Variants in CUL7 observed in about 807,000 individuals in gnomAD.
CUL7 encodes the protein cullin 7, also known as cullin-7.
Under a neutral mutation model 177.7 loss-of-function variants are expected in CUL7, and 96 were observed. The observed-to-expected ratio is 0.54, with a 90% CI of 0.46 to 0.64. The LOEUF (loss-of-function observed/expected upper bound fraction) is 0.64, where lower values mean the gene tolerates loss of function less well. Among genes scored for constraint, CUL7 ranks in the 30% least tolerant of loss-of-function variants. The pLI is 0.00. For missense variants in CUL7, 1,893 were observed against 2,187.9 expected (o/e 0.87, Z 2.69); for synonymous variants, 824 against 890.2 (o/e 0.93, Z 1.32).
Position 43,040,533 on chromosome 6 carries a change from T to C in CUL7, c.4020A>G (p.Ile1340Met), listed in dbSNP as rs768016103. The C allele has an allele frequency of 1.2e-6, 2 of 1,614,108 alleles. No homozygotes were observed. Among genetic ancestry groups the C allele is most frequent in the South Asian group, 2.2e-5 (2 of 91,086 alleles). The part of the protein sequence containing the change: ...LLKLEDTEKK[I>M]QVGLGASGKE... ...TTATCCCTTCCAAGGCACTCACCTG[T>C]ATTTTCTTCTCTGTATCCTCCAGCT... Residue 1340 changes from isoleucine (I) to methionine (M), a missense_variant, in exon 21 of 26, where the codon ATA (isoleucine) becomes ATG (methionine). Transcript: ENST00000265348. This position sits in a 1 kb window ranked among gnomAD's most constrained non-coding sequence, Gnocchi z 4.2.
Position 43,048,211 on chromosome 6 carries a change from G to A in CUL7, c.2106C>T (p.Leu702=), listed in dbSNP as rs1375747150. 1.9e-6 allele frequency: 3 copies of A among 1,614,126 alleles called. No individual in the cohort carries two copies. The highest frequency in any genetic ancestry group is 2.2e-5 in the East Asian group (1 of 44,880). Residue 702 remains leucine, a synonymous_variant, in exon 9 of 26, where the codon CTC becomes CTT. Transcript: ENST00000265348. ...AGGCATCCACGGCCTCGTGCCAGGGGAGCAGCAGTGCCTCGGGGAAGTCCA... is the reference window on the plus strand; with the variant it reads ...AGGCATCCACGGCCTCGTGCCAGGGAAGCAGCAGTGCCTCGGGGAAGTCCA... ...QLVDFPEALL[L]PWHEAVDACM...
In CUL7 at chr6:43,039,352, G is replaced by A. The variant is rs190700793; in HGVS notation, c.4295-365C>T. ...AACAATGTCTCCCCTATTAGGAGGCGCCCTGACCACAGGTCTGAGCCTCTT... is the reference window on the plus strand; with the variant it reads ...AACAATGTCTCCCCTATTAGGAGGCACCCTGACCACAGGTCTGAGCCTCTT... On this transcript the variant is annotated intron_variant, in intron 22 of 25. Transcript: ENST00000265348. Among the ~76,000 whole-genome samples, 159 of 152,252 alleles carry A rather than the reference G, an allele frequency of 1.0e-3. 2 individuals carry two copies. The highest frequency in any genetic ancestry group is 3.4e-3 in the Admixed American group (52 of 15,290).
rs570349308 is a variant in CUL7 at position 43,045,046 on chromosome 6, C to T, written c.3039-161G>A. 6.6e-6 allele frequency among the ~76,000 whole-genome samples: 1 copy of T among 152,154 alleles called. No homozygotes were observed. The highest frequency in any genetic ancestry group is 2.4e-5 in the African/African-American group (1 of 41,422). On this transcript the variant is annotated intron_variant, in intron 15 of 25. Coordinates refer to ENST00000265348, the MANE Select transcript of CUL7 (RefSeq NM_014780.5). The surrounding 1 kb of genome is among the most constrained non-coding windows in gnomAD (Gnocchi z 4.8). Reference sequence around the variant, plus strand: ...CTAACTGGTATATCCCATTCCCAGCCCACTGGAGAAATCTTTTCTCTTTAT... The same window carrying T: ...CTAACTGGTATATCCCATTCCCAGCTCACTGGAGAAATCTTTTCTCTTTAT...
At chr6:43,038,512 C>T (rs373250849) in intron 24 of CUL7, 40 bp from the exon 25 acceptor site, 53 of 1,613,694 alleles carry the variant, frequency 3.3e-5, no homozygotes, top group Middle Eastern at 1.6e-4. Flanking sequence ...GGAGAGCCCA[C>T]GAGGAGCCTG....
chr6:43,044,287 A>G (rs982477986), intron 16 of CUL7, among the ~76,000 whole-genome samples: 1 of 152,080 alleles, frequency 6.6e-6, no homozygotes, highest in African/African-American at 2.4e-5. Flanking sequence ...GCGCCATTGC[A>G]CTCCAGTCTA....
At position 43,043,636 on chromosome 6, in the gene CUL7, G is replaced by A; in HGVS notation, c.3173-6C>T. 1 of 1,590,554 alleles carries A rather than the reference G, an allele frequency of 6.3e-7. No homozygotes were observed. Among genetic ancestry groups the A allele is most frequent in the Non-Finnish European group, 8.6e-7 (1 of 1,165,904 alleles). On this transcript the variant is annotated splice_polypyrimidine_tract_variant and splice_region_variant and intron_variant, in intron 16 of 25. Transcript: ENST00000265348. This position sits in a 1 kb window ranked among gnomAD's most constrained non-coding sequence, Gnocchi z 4.2. ...GGGGCTAATGCCATCCTCATCTAGA[G>A]GGTGAGATAAACAAACCAAGGCACA...
intron 22 of CUL7, among the ~76,000 whole-genome samples, 157 bp from the exon 23 acceptor site, chr6:43,039,144 C>T (rs965956457): frequency 6.6e-6 from 1 of 152,222 alleles, no homozygotes; most frequent in Non-Finnish European, 1.5e-5. Flanking sequence ...TTCCAGATCT[C>T]AGCCTTCTCT....
rs769343287 is a variant in CUL7 at position 43,046,026 on chromosome 6, C to T, written c.2726G>A (p.Gly909Glu). 2.5e-6 allele frequency: 4 copies of T among 1,614,020 alleles called. No individual in the cohort carries two copies. The highest frequency in any genetic ancestry group is 3.4e-6 in the Non-Finnish European group (4 of 1,180,020). ...GTGAAGAGAGCTAGTGCTATCACCC[C>T]CGCACACCACCACTCGGGCCGGCAT... is the stretch of plus-strand genomic sequence containing the variant. ...SYMPARVVVCGGDSTSSLHTE... is the reference protein window; with the variant it reads ...SYMPARVVVCEGDSTSSLHTE... The change falls in exon 13 of 26, where the codon GGG becomes GAG. Residue 909 changes from glycine to glutamate, a missense_variant. Physicochemically the swap from Gly to Glu is moderately conservative, Grantham distance 98. Coordinates refer to ENST00000265348, the MANE Select transcript of CUL7 (RefSeq NM_014780.5).
Position 43,046,007 on chromosome 6 carries a change from A to G in CUL7, c.2745T>C (p.Ser915=), listed in dbSNP as rs751169358. ...VVVCGGDSTS[S]LHTELNSVNV... ...CTACCGAGTTGAGTTCCGTGTGAAG[A>G]GAGCTAGTGCTATCACCCCCGCACA... Residue 915 remains serine (S), a synonymous_variant, in exon 13 of 26, where the codon TCT becomes TCC. Transcript: ENST00000265348. The G allele has an allele frequency of 2.5e-6, 4 of 1,614,010 alleles. No homozygotes were observed. Among genetic ancestry groups the G allele is most frequent in the Admixed American group, 1.7e-5 (1 of 60,026 alleles).
In CUL7 at chr6:43,050,988, T is replaced by C; in HGVS notation, c.1213A>G (p.Asn405Asp). 1 of 1,614,092 alleles carries C rather than the reference T, an allele frequency of 6.2e-7. No homozygotes were observed. The highest frequency in any genetic ancestry group is 8.5e-7 in the Non-Finnish European group (1 of 1,180,010). The part of the protein sequence containing the change: ...GDEGEFRQSN[N>D]GVPPVQVFWE... ...CTCACCTGCACAGGAGGCACACCGT[T>C]GTTGCTCTGCCGAAACTCGCCCTCA... Residue 405 changes from asparagine to aspartate, a missense_variant, in exon 4 of 26, where the codon AAC (asparagine) becomes GAC (aspartate). Around this residue, in one of 5 missense-constraint regions of CUL7, gnomAD observed 653 missense variants for 725.2 expected, o/e 0.90. Coordinates refer to ENST00000265348, the MANE Select transcript of CUL7 (RefSeq NM_014780.5). This position sits in a 1 kb window ranked among gnomAD's most constrained non-coding sequence, Gnocchi z 4.1.
intron 10 of CUL7, 79 bp from the exon 11 acceptor site, chr6:43,046,680 G>C (rs903048896): frequency 8.8e-6 from 14 of 1,587,720 alleles, no homozygotes; most frequent in Non-Finnish European, 9.5e-6. Flanking sequence ...GGATGAAGGA[G>C]AGACCATGCA....
chr6:43,038,687 G>T lies in CUL7; in HGVS notation c.4446C>A (p.Val1482=), dbSNP rs1272815273. 2 of 1,613,974 alleles carry T rather than the reference G, an allele frequency of 1.2e-6. No homozygotes were observed. Among genetic ancestry groups the T allele is most frequent in the Non-Finnish European group, 8.5e-7 (1 of 1,179,996 alleles). Residue 1482 remains valine, a synonymous_variant, in exon 24 of 26, where the codon GTC becomes GTA. Transcript: ENST00000265348. ...AGAACGCCAGCAGACTCTCCACAGA[G>T]ACCGCCTTCAGAGAACAGATGGGAG... ...LLLYLNDLKA[V]SVESLLAFSG... is the part of the protein sequence containing the mutation.
In CUL7 at chr6:43,046,422, G is replaced by T; in HGVS notation, c.2489-15C>A. Reference sequence around the variant, plus strand: ...CACACTGGAGCCTGGGGGCAAGTGGGAAGGGGTGGTGGTCACGGTCAGGTA... The same window carrying T: ...CACACTGGAGCCTGGGGGCAAGTGGTAAGGGGTGGTGGTCACGGTCAGGTA... On this transcript the variant is annotated splice_polypyrimidine_tract_variant and intron_variant, in intron 11 of 25. Coordinates refer to ENST00000265348, the MANE Select transcript of CUL7 (RefSeq NM_014780.5). The T allele has an allele frequency of 1.2e-6, 2 of 1,614,208 alleles. No homozygotes were observed. Among genetic ancestry groups the T allele is most frequent in the Non-Finnish European group, 1.7e-6 (2 of 1,180,032 alleles).
intron 7 of CUL7, among the ~76,000 whole-genome samples, chr6:43,048,922 C>T (rs540987062): frequency 3.3e-4 from 50 of 151,952 alleles, no homozygotes; most frequent in Admixed American, 2.0e-4. Flanking sequence ...CCCACCACCA[C>T]GCCCGGCTAA....
At chr6:43,049,285 T>C (rs1267233785) in intron 7 of CUL7, 122 bp downstream of exon 7, 18 of 1,287,388 alleles carry the variant, frequency 1.4e-5, no homozygotes, top group South Asian at 3.6e-5. Flanking sequence ...TGCTTCTCTC[T>C]AAGTTGCAGC....
At chr6:43,038,201 T>G in intron 25 of CUL7, 66 bp downstream of exon 25, 1 of 1,575,464 alleles carries the variant, frequency 6.3e-7, no homozygotes, top group South Asian at 1.1e-5. Flanking sequence ...GCACCCACCT[T>G]GTCCTGTAGA....
In CUL7 at chr6:43,047,033, CT is replaced by C. The variant is rs753931399; in HGVS notation, c.2243del (p.Gln748ArgfsTer88). The C allele has an allele frequency of 2.4e-5, 38 of 1,613,468 alleles. No individual in the cohort carries two copies. Among genetic ancestry groups the C allele is most frequent in the Non-Finnish European group, 3.2e-5 (38 of 1,179,518 alleles). On this transcript the variant is annotated frameshift_variant, in exon 10 of 26. Transcript: ENST00000265348. LOFTEE classifies it high-confidence loss of function. ...TGGAGATAGCGTCTCTTGCTCCCAG[CT>C]GATTCAGCACCACGGCATAGTCCCT... is the stretch of plus-strand genomic sequence containing the variant. ...VSRDYAVVLN[Q>X]LGARDAISKA...
Position 43,048,184 on chromosome 6 carries a change from G to GC in CUL7, c.2132dup (p.Cys711TrpfsTer11), listed in dbSNP as rs758737233. 9.9e-6 allele frequency: 16 copies of GC among 1,613,646 alleles called. No homozygotes were observed. The African/African-American group carries it at 2.1e-4, about 22-fold the overall frequency. ...TGTTTGGGGACCGCAGGCAGGCCAT[G>GC]CAGGCATCCACGGCCTCGTGCCAGG... On this transcript the variant is annotated frameshift_variant, in exon 9 of 26. Coordinates refer to ENST00000265348, the MANE Select transcript of CUL7 (RefSeq NM_014780.5). LOFTEE classifies it high-confidence loss of function.
Position 43,052,598 on chromosome 6 carries a change from T to G in CUL7, c.191A>C (p.His64Pro). Residue 64 changes from histidine to proline, a missense_variant, in exon 2 of 26, where the codon CAC becomes CCC. Around this residue, in one of 5 missense-constraint regions of CUL7, gnomAD observed 653 missense variants for 725.2 expected, o/e 0.90. Transcript: ENST00000265348. This position sits in a 1 kb window ranked among gnomAD's most constrained non-coding sequence, Gnocchi z 4.5. ...ATCCTTGGACATCCACAGCAGGATGTGCTCAGCCTTGCAGTCCACTTGGCC... is the reference window on the plus strand; with the variant it reads ...ATCCTTGGACATCCACAGCAGGATGGGCTCAGCCTTGCAGTCCACTTGGCC... ...GSGQVDCKAE[H>P]ILLWMSKDEI... is the part of the protein sequence containing the mutation. 2.5e-6 allele frequency: 4 copies of G among 1,614,262 alleles called. No individual in the cohort carries two copies. Among genetic ancestry groups the G allele is most frequent in the East Asian group, 2.2e-5 (1 of 44,886 alleles).
Sources: gnomAD v4.1 joint callset for allele counts (sites outside exome capture counted in the v4.1 genomes callset) on GRCh38, gnomAD v4.1.1 for gene constraint, gnomAD v4.1.1 regional missense constraint, Gnocchi (gnomAD v3.1) non-coding constraint, MANE v1.5 for transcripts, NCBI Gene and HGNC (gene_info 2026-07-23, HGNC 2026-07-21) for gene names.